The following ALDOA variants were observed in gnomAD, a reference collection of about 807,000 sequenced individuals.
ALDOA encodes fructose-bisphosphate aldolase A.
In ALDOA, 26 loss-of-function variants were observed where a neutral mutation model predicts 43.9. The observed-to-expected ratio is 0.59, with a 90% CI of 0.43 to 0.82. ALDOA has a LOEUF of 0.82. ALDOA is among the 40% of genes least tolerant of loss of function. ALDOA has a pLI of 0.00. For synonymous variants in ALDOA, 258 were observed against 222.6 expected (o/e 1.16, Z -1.42); for missense variants, 498 against 549.5 (o/e 0.91, Z 0.94).
At chr16:30,066,800 G>A in intron 1 of ALDOA, 85 bp from the exon 2 acceptor site, 1 of 1,434,452 alleles carries the variant, frequency 7.0e-7, no homozygotes, top group Non-Finnish European at 9.4e-7. Flanking sequence ...CCCATATCTG[G>A]GCCCTTTCCC....
In ALDOA at chr16:30,067,262, A is replaced by G. The variant is rs2072147259; in HGVS notation, c.170A>G (p.Tyr57Cys). 4.3e-6 allele frequency: 7 copies of G among 1,612,158 alleles called. No individual in the cohort carries two copies. In the African/African-American group the frequency reaches 5.3e-5, roughly 12 times the overall value. The change falls in exon 3 of 10, where the codon TAC (tyrosine) becomes TGC (cysteine). Residue 57 changes from tyrosine to cysteine, a missense_variant. Transcript: ENST00000642816. ...CTTGCTACTACCAGCACCATGCCCT[A>G]CCAATATCCAGCACTGACCCCGGAG... is the stretch of plus-strand genomic sequence containing the variant. ...KELATTSTMP[Y>C]QYPALTPEQK...
In ALDOA at chr16:30,069,506, C is replaced by G; in HGVS notation, c.794C>G (p.Ala265Gly). Residue 265 changes from alanine to glycine, a missense_variant, in exon 8 of 10, where the codon GCT (alanine) becomes GGT (glycine). Ala to Gly is a moderately conservative substitution (Grantham distance 60, BLOSUM62 0). Transcript: ENST00000642816. The part of the protein sequence containing the change: ...RCQYVTEKVL[A>G]AVYKALSDHH... ...GCGCCTGCTCTGCTCCAGGTGCTGG[C>G]TGCTGTCTACAAGGCTCTGAGTGAC... The G allele has an allele frequency of 6.2e-7, 1 of 1,614,146 alleles. No homozygotes were observed. The highest frequency in any genetic ancestry group is 8.5e-7 in the Non-Finnish European group (1 of 1,180,032).
chr16:30,070,275 G>A lies in ALDOA; in HGVS notation c.*63G>A. 6.5e-7 allele frequency: 1 copy of A among 1,541,364 alleles called. No homozygotes were observed. Among genetic ancestry groups the A allele is most frequent in the Non-Finnish European group, 9.0e-7 (1 of 1,114,460 alleles). The stretch of plus-strand genomic sequence containing the variant: ...CCTGCCCCCTCCCACTCTTGAAGAG[G>A]AGGCCGCCTCCTCGGGGCTCCAGGC... On this transcript the variant is annotated 3_prime_UTR_variant, in exon 10 of 10. Coordinates refer to ENST00000642816, the MANE Select transcript of ALDOA (RefSeq NM_001243177.4).
At chr16:30,069,144 G>A in intron 6 of ALDOA, 162 bp from the exon 7 acceptor site, 1 of 1,340,248 alleles carries the variant, frequency 7.5e-7, no homozygotes, top group South Asian at 1.2e-5. Context: ...AAGGAGGGAT[G>A]GTGGGTGGAT....
rs189663136 is a variant in ALDOA, at chr16:30,068,611, C to T, written c.487-35C>T. On this transcript the variant is annotated intron_variant, in intron 4 of 9. Transcript: ENST00000642816. ...GTGGAAAGGGTGCTAGAGGTCATTT[C>T]CTGTGTCTTAATGTTGTTACCCTGA... 2,034 of 1,612,070 alleles carry T rather than the reference C, an allele frequency of 1.3e-3. 4 individuals carry two copies. Among genetic ancestry groups the T allele is most frequent in the Middle Eastern group, 1.8e-3 (11 of 6,056 alleles).
At chr16:30,064,561 C>A (rs371944000), upstream of ALDOA, 80 of 398,686 alleles carry the variant, frequency 2.0e-4, no homozygotes, top group South Asian at 3.2e-3. Context: ...TCTTCCTCCC[C>A]CTTCCCCCAT....
In ALDOA at chr16:30,067,309, A is replaced by C; in HGVS notation, c.217A>C (p.Ile73Leu). 6.2e-7 allele frequency: 1 copy of C among 1,613,174 alleles called. No homozygotes were observed. Among genetic ancestry groups the C allele is most frequent in the South Asian group, 1.1e-5 (1 of 91,040 alleles). ...GGAGCAGAAGAAGGAGCTGTCTGAC[A>C]TCGCTCACCGCATCGTGGCACCTGG... The part of the protein sequence containing the change: ...TPEQKKELSD[I>L]AHRIVAPGKG... The change falls in exon 3 of 10, where the codon ATC becomes CTC. Residue 73 changes from isoleucine (I) to leucine (L), a missense_variant. Ile to Leu is a conservative substitution (Grantham distance 5, BLOSUM62 2). Transcript: ENST00000642816.
chr16:30,070,155 C>T lies in ALDOA; in HGVS notation c.1200C>T (p.Ser400=), dbSNP rs77290575. The change falls in exon 10 of 10, where the codon AGC becomes AGT. Residue 400 remains serine, a synonymous_variant. Transcript: ENST00000642816. ...SLACQGKYTP[S]GQAGAAASES... ...CCTGTCAAGGAAAGTACACTCCGAGCGGTCAGGCTGGGGCTGCTGCCAGCG... is the reference window on the plus strand; with the variant it reads ...CCTGTCAAGGAAAGTACACTCCGAGTGGTCAGGCTGGGGCTGCTGCCAGCG... 6.4e-3 allele frequency: 10,353 copies of T among 1,614,104 alleles called. 944 individuals carry two copies. The Admixed American group carries it at 0.16, about 25-fold the overall frequency.
chr16:30,067,718 A>C (rs2151016433), intron 4 of ALDOA, 57 bp downstream of exon 4: 1 of 1,597,380 alleles, frequency 6.3e-7, no homozygotes, highest in East Asian at 2.2e-5. Context: ...AAGGAAATCC[A>C]GGTTAGTGAG....
At position 30,069,879 on chromosome 16, in the gene ALDOA, C is replaced by A. The variant is rs563447533; in HGVS notation, c.1011C>A (p.Asn337Lys). 1 of 1,614,174 alleles carries A rather than the reference C, an allele frequency of 6.2e-7. No homozygotes were observed. The highest frequency in any genetic ancestry group is 1.3e-5 in the African/African-American group (1 of 75,060). ...GGQSEEEASI[N>K]LNAINKCPLL... ...AGAGTGAGGAGGAGGCGTCCATCAACCTCAATGCCATTAACAAGTGCCCCC... is the reference window on the plus strand; with the variant it reads ...AGAGTGAGGAGGAGGCGTCCATCAAACTCAATGCCATTAACAAGTGCCCCC... Residue 337 changes from asparagine (N) to lysine (K), a missense_variant, in exon 9 of 10, where the codon AAC becomes AAA. By Grantham distance (94) the Asn-to-Lys change is moderately conservative. Transcript: ENST00000642816.
chr16:30,066,615 C>T (rs1017341402), intron 1 of ALDOA, among the ~76,000 whole-genome samples: 1 of 152,240 alleles, frequency 6.6e-6, no homozygotes, highest in African/African-American at 2.4e-5. Flanking sequence ...TACCACCCGC[C>T]CCCTCCCTTG....
At chr16:30,068,125 C>T (rs561096547) in intron 4 of ALDOA, 13 of 241,414 alleles carry the variant, frequency 5.4e-5, no homozygotes, top group Middle Eastern at 1.7e-3. Flanking sequence ...TGCAGTGGTG[C>T]GATCTCTTGG....
intron 1 of ALDOA, 23 bp from the exon 2 acceptor site, chr16:30,066,862 C>CT (rs1406780963): frequency 3.9e-6 from 6 of 1,544,594 alleles, no homozygotes; most frequent in Non-Finnish European, 5.2e-6. Flanking sequence ...TTCTAAAATA[C>CT]TCCGGTTCGG....
At position 30,070,106 on chromosome 16, in the gene ALDOA, T is replaced by C. The variant is rs373974067; in HGVS notation, c.1162-11T>C. ...AAGAGCCCTTCTCACTCCACCCCTCTCCCTGCTTAGGCCAACAGCCTTGCC... is the reference window on the plus strand; with the variant it reads ...AAGAGCCCTTCTCACTCCACCCCTCCCCCTGCTTAGGCCAACAGCCTTGCC... On this transcript the variant is annotated splice_polypyrimidine_tract_variant and intron_variant, in intron 9 of 9. Coordinates refer to ENST00000642816, the MANE Select transcript of ALDOA (RefSeq NM_001243177.4). The C allele has an allele frequency of 6.2e-7, 1 of 1,613,904 alleles. No individual in the cohort carries two copies. Among genetic ancestry groups the C allele is most frequent in the African/African-American group, 1.3e-5 (1 of 75,012 alleles).
chr16:30,068,468 G>T, intron 4 of ALDOA, 178 bp from the exon 5 acceptor site: 1 of 710,812 alleles, frequency 1.4e-6, no homozygotes, highest in Non-Finnish European at 2.6e-6. Context: ...GGCTAAAGAA[G>T]AGGAAAGAGG....
Position 30,069,369 on chromosome 16 carries a change from T to G in ALDOA, c.766T>G (p.Cys256Gly). 1 of 1,614,176 alleles carries G rather than the reference T, an allele frequency of 6.2e-7. No homozygotes were observed. Among genetic ancestry groups the G allele is most frequent in the Non-Finnish European group, 8.5e-7 (1 of 1,180,016 alleles). Reference sequence around the variant, plus strand: ...TGATGGGGACCATGACTTGAAGCGCTGCCAGTATGTGACCGAGAAGGTAAA... The same window carrying G: ...TGATGGGGACCATGACTTGAAGCGCGGCCAGTATGTGACCGAGAAGGTAAA... ...LPDGDHDLKR[C>G]QYVTEKVLAA... Residue 256 changes from cysteine to glycine, a missense_variant, in exon 7 of 10, where the codon TGC becomes GGC. Physicochemically the swap from Cys to Gly is radical, Grantham distance 159. Coordinates refer to ENST00000642816, the MANE Select transcript of ALDOA (RefSeq NM_001243177.4).
rs76767223 is a variant in ALDOA, at chr16:30,067,586, A to G, written c.411A>G (p.Thr137=). The G allele has an allele frequency of 7.2e-4, 1,156 of 1,613,782 alleles. 8 individuals are homozygous for G. In the African/African-American group the frequency reaches 0.012, roughly 16 times the overall value. The stretch of plus-strand genomic sequence containing the variant: ...GGGGTGTCATCCTCTTCCATGAGAC[A>G]CTCTACCAGAAGGCGGATGATGGGC... The part of the protein sequence containing the change: ...CIGGVILFHE[T]LYQKADDGRP... The change falls in exon 4 of 10, where the codon ACA becomes ACG. Residue 137 remains threonine, a synonymous_variant. Transcript: ENST00000642816.
rs2072259029 is a variant in ALDOA, at chr16:30,069,851, G to A, written c.983G>A (p.Gly328Asp). 1 of 1,614,118 alleles carries A rather than the reference G, an allele frequency of 6.2e-7. No homozygotes were observed. Among genetic ancestry groups the A allele is most frequent in the Non-Finnish European group, 8.5e-7 (1 of 1,180,028 alleles). Residue 328 changes from glycine (G) to aspartate (D), a missense_variant, in exon 9 of 10, where the codon GGC (glycine) becomes GAC (aspartate). Coordinates refer to ENST00000642816, the MANE Select transcript of ALDOA (RefSeq NM_001243177.4). ...AVTGITFLSG[G>D]QSEEEASINL... The stretch of plus-strand genomic sequence containing the variant: ...ACAGGGATCACCTTCCTGTCTGGAG[G>A]CCAGAGTGAGGAGGAGGCGTCCATC...
chr16:30,066,246 TG>T, intron 1 of ALDOA: 1 of 151,866 alleles, frequency 6.6e-6, no homozygotes, highest in East Asian at 1.9e-4. Flanking sequence ...CAGTGAGGGG[TG>T]GGGGCCGGCC....
Sources: gnomAD v4.1 joint callset for allele counts (sites outside exome capture counted in the v4.1 genomes callset) on GRCh38, gnomAD v4.1.1 for gene constraint, MANE v1.5 for transcripts, NCBI Gene and HGNC (gene_info 2026-07-23, HGNC 2026-07-21) for gene names.